The following C14orf93 variants were observed in gnomAD, a reference collection of about 807,000 sequenced individuals.
The protein encoded by C14orf93 is uncharacterized protein C14orf93.
C14orf93 carries 23 observed loss-of-function variants against 44.0 expected under a neutral mutation model. The observed-to-expected ratio is 0.52, with a 90% confidence interval of 0.38 to 0.74. The LOEUF is 0.74. C14orf93 is among the 30% of genes least tolerant of loss of function. C14orf93 has a pLI of 0.00. For missense variants in C14orf93, 579 were observed against 678.9 expected, an observed-to-expected ratio of 0.85 and a Z score of 1.64; for synonymous variants, 253 against 265.7, an observed-to-expected ratio of 0.95 and a Z score of 0.46.
intron 5 of C14orf93, 119 bp from the exon 6 acceptor site, chr14:22,988,134 C>CTTTTT: frequency 2.2e-6 from 1 of 462,914 alleles, no homozygotes; most frequent in Non-Finnish European, 3.8e-6. Flanking sequence ...TAGATGAGGG[C>CTTTTT]TTTTTTTTTT....
At chr14:22,994,659 C>G (rs970172761) in intron 3 of C14orf93, among the ~76,000 whole-genome samples, 7 of 148,964 alleles carry the variant, frequency 4.7e-5, no homozygotes, top group Non-Finnish European at 7.4e-5. Context: ...CCTGGGAAGT[C>G]GAAGCTGCAG....
rs150695969 is a variant in C14orf93, at chr14:22,990,911, C to T, written c.919-784G>A. On this transcript the variant is annotated intron_variant, in intron 3 of 6. Coordinates refer to ENST00000299088, the MANE Select transcript of C14orf93 (RefSeq NM_021944.4). Reference sequence around the variant, plus strand: ...TTGGCTCACTGCAAGCTCTGCCTCTCGGGTTCACGCCATTCTCCTCCCTCA... The same window carrying T: ...TTGGCTCACTGCAAGCTCTGCCTCTTGGGTTCACGCCATTCTCCTCCCTCA... Among the ~76,000 whole-genome samples the T allele has an allele frequency of 4.6e-4, 70 of 150,796 alleles. No individual in the cohort carries two copies. In the East Asian group the frequency reaches 0.012, roughly 25 times the overall value.
At chr14:22,998,106 G>A in intron 2 of C14orf93, 1 of 306,314 alleles carries the variant, frequency 3.3e-6, no homozygotes, top group Non-Finnish European at 6.0e-6. Context: ...TGCACGGCAG[G>A]CATCCTCGCC....
chr14:22,994,886 A>G (rs1419816731), intron 3 of C14orf93, among the ~76,000 whole-genome samples: 11 of 152,280 alleles, frequency 7.2e-5, no homozygotes, highest in South Asian at 6.2e-4. Flanking sequence ...GATGTTTAGC[A>G]GAACACCCAC....
At chr14:23,001,010 T>A (rs2046265303) in intron 1 of C14orf93, 1 of 152,208 alleles carries the variant, frequency 6.6e-6, no homozygotes, top group Non-Finnish European at 1.5e-5. Flanking sequence ...GTCATTATAG[T>A]CACTGGGAGG....
Position 23,010,071 on chromosome 14 carries a change from T to C in C14orf93, c.-380+30A>G, listed in dbSNP as rs577866351. ...AAAAATTTGAAAACACACACAAGATTAAGGAGGAAAAAAAATGGAAAAAGG... is the reference window on the plus strand; with the variant it reads ...AAAAATTTGAAAACACACACAAGATCAAGGAGGAAAAAAAATGGAAAAAGG... On this transcript the variant is annotated intron_variant, in intron 1 of 6. Coordinates refer to ENST00000299088, the MANE Select transcript of C14orf93 (RefSeq NM_021944.4). The C allele has an allele frequency of 3.9e-4, 59 of 151,864 alleles. 1 individual carries two copies. Among genetic ancestry groups the C allele is most frequent in the African/African-American group, 1.4e-3 (58 of 41,432 alleles). 9.4% of individuals were successfully genotyped at this position (151,864 alleles called of 1,614,324 possible). A position where few individuals can be genotyped will look rare whatever the true frequency, so the allele number is the denominator to read the frequency against.
At position 22,986,355 on chromosome 14, in the gene C14orf93, C is replaced by G. The variant is rs904644677; in HGVS notation, c.*860G>C. Reference sequence around the variant, plus strand: ...AACTAAAAAAATCTCTGAACAGCATCCAACCTTATCAACAATGTATCCATA... The same window carrying G: ...AACTAAAAAAATCTCTGAACAGCATGCAACCTTATCAACAATGTATCCATA... On this transcript the variant is annotated 3_prime_UTR_variant, in exon 7 of 7. Transcript: ENST00000299088. 3 of 152,272 alleles carry G rather than the reference C, an allele frequency of 2.0e-5. No individual in the cohort carries two copies. Among genetic ancestry groups the G allele is most frequent in the Admixed American group, 6.5e-5 (1 of 15,286 alleles). 9.4% of individuals were successfully genotyped at this position (152,272 alleles called of 1,614,324 possible).
intron 3 of C14orf93, 49 bp from the exon 4 acceptor site, chr14:22,990,176 A>T: frequency 6.6e-7 from 1 of 1,516,416 alleles, no homozygotes; most frequent in Non-Finnish European, 9.1e-7. Flanking sequence ...GGATGTTATG[A>T]AAACTCTCCT....
chr14:22,997,384 T>C (rs1010739041), intron 2 of C14orf93, among the ~76,000 whole-genome samples: 3 of 152,218 alleles, frequency 2.0e-5, no homozygotes, highest in Non-Finnish European at 4.4e-5. Context: ...CCATGTGTTC[T>C]GCTCCTTTAC....
intron 1 of C14orf93, chr14:23,006,543 G>C (rs1442465038): frequency 1.3e-5 from 2 of 152,160 alleles, no homozygotes; most frequent in African/African-American, 4.8e-5. Context: ...GATTACATTG[G>C]TAAGATTAAT....
chr14:22,992,086 G>T (rs1465013998), intron 3 of C14orf93, among the ~76,000 whole-genome samples: 1 of 152,182 alleles, frequency 6.6e-6, no homozygotes, highest in East Asian at 1.9e-4. Context: ...TAAACAGGCT[G>T]TCTTTCCACT....
intron 1 of C14orf93, among the ~76,000 whole-genome samples, chr14:23,001,762 G>T (rs1238698941): frequency 1.4e-5 from 2 of 138,884 alleles, no homozygotes; most frequent in Admixed American, 7.6e-5. Flanking sequence ...ACTGCGCCCA[G>T]CTCCTTCTTC....
chr14:22,999,179 C>A lies in C14orf93; in HGVS notation c.-156G>T. The A allele has an allele frequency of 8.1e-7, 1 of 1,229,640 alleles. No individual in the cohort carries two copies. The highest frequency in any genetic ancestry group is 1.1e-6 in the Non-Finnish European group (1 of 908,736). The allele number at this position is 1,229,640 out of a possible 1,614,324, so 76.2% of individuals were successfully genotyped here. A position where few individuals can be genotyped will look rare whatever the true frequency, so the allele number is the denominator to read the frequency against. ...GGTCTGTGAAAGAAGAGTAAACAAG[C>A]CATGAAGAAGCACACAGTCCATGGC... On this transcript the variant is annotated 5_prime_UTR_variant, in exon 2 of 7. Coordinates refer to ENST00000299088, the MANE Select transcript of C14orf93 (RefSeq NM_021944.4).
At chr14:23,009,512 TG>T (rs760511686) in intron 1 of C14orf93, among the ~76,000 whole-genome samples, 1 of 152,148 alleles carries the variant, frequency 6.6e-6, no homozygotes, top group South Asian at 2.1e-4. Flanking sequence ...AATGTTCTAA[TG>T]AAAATGTGTG....
chr14:22,998,624 C>A lies in C14orf93; in HGVS notation c.400G>T (p.Ala134Ser). The change falls in exon 2 of 7, where the codon GCC becomes TCC. Residue 134 changes from alanine (A) to serine (S), a missense_variant. Coordinates refer to ENST00000299088, the MANE Select transcript of C14orf93 (RefSeq NM_021944.4). ...TCCACGGCAGACAGAGCCTTAAAGG[C>A]TTCCCCGGGACTTTCCTTGAGAGGC... ...PGPLKESPGE[A>S]FKALSAVEEE... 6.2e-7 allele frequency: 1 copy of A among 1,614,036 alleles called. No individual in the cohort carries two copies. Among genetic ancestry groups the A allele is most frequent in the Non-Finnish European group, 8.5e-7 (1 of 1,179,892 alleles).
chr14:22,991,464 C>T (rs140016796), intron 3 of C14orf93, among the ~76,000 whole-genome samples: 2,195 of 146,402 alleles, frequency 0.015, 57 homozygotes, highest in African/African-American at 0.051. Flanking sequence ...AGGCTGGTCT[C>T]GAACTCCTAA....
chr14:22,989,606 C>CA (rs1011195286), intron 5 of C14orf93, 136 bp downstream of exon 5: 3 of 648,168 alleles, frequency 4.6e-6, no homozygotes, highest in Non-Finnish European at 8.2e-6. Flanking sequence ...TGAGAATAGC[C>CA]AAAAAATGTT....
intron 3 of C14orf93, 110 bp downstream of exon 3, chr14:22,995,838 G>A: frequency 3.9e-6 from 4 of 1,014,616 alleles, no homozygotes; most frequent in Admixed American, 3.0e-5. Flanking sequence ...ACTCTGGTAG[G>A]ATTCAGTACA....
rs2046137076 is a variant in C14orf93, at chr14:22,998,673, A to G, written c.351T>C (p.His117=). ...IPDEDGESRA[H]SSPPEEPGPL... ...GCCCAGGCTCCTCAGGTGGGGAACT[A>G]TGTGCCCGGCTTTCCCCATCTTCAT... The change falls in exon 2 of 7, where the codon CAT becomes CAC. Residue 117 remains histidine, a synonymous_variant. Coordinates refer to ENST00000299088, the MANE Select transcript of C14orf93 (RefSeq NM_021944.4). 6.2e-7 allele frequency: 1 copy of G among 1,614,008 alleles called. No homozygotes were observed. Among genetic ancestry groups the G allele is most frequent in the Non-Finnish European group, 8.5e-7 (1 of 1,179,968 alleles).
Sources: gnomAD v4.1 joint callset for allele counts (sites outside exome capture counted in the v4.1 genomes callset) on GRCh38, gnomAD v4.1.1 for gene constraint, MANE v1.5 for transcripts, NCBI Gene and HGNC (gene_info 2026-07-23, HGNC 2026-07-21) for gene names.